Variants in AP5Z1 observed in about 807,000 individuals in gnomAD.
The protein encoded by AP5Z1 is AP-5 complex subunit zeta-1.
AP5Z1 carries 106 observed loss-of-function variants against 83.0 expected under a neutral mutation model. That is an observed-to-expected ratio of 1.28 (90% CI 1.09 to 1.50). The LOEUF (loss-of-function observed/expected upper bound fraction) is 1.50, where lower values mean the gene tolerates loss of function less well. AP5Z1 is among the 40% of genes most tolerant of loss of function. AP5Z1 has a pLI of 0.00. For synonymous variants in AP5Z1, 751 were observed against 514.1 expected (o/e 1.46, Z -6.23); for missense variants, 1,565 against 1,094.2 (o/e 1.43, Z -6.07).
At chr7:4,776,093 C>T (rs1055872647) in intron 1 of AP5Z1, among the ~76,000 whole-genome samples, 1 of 151,998 alleles carries the variant, frequency 6.6e-6, no homozygotes, top group Admixed American at 6.5e-5. Flanking sequence ...GATTTCAGTG[C>T]CTCACAGTCA....
chr7:4,788,344 C>A, intron 12 of AP5Z1, 50 bp downstream of exon 12: 1 of 1,517,258 alleles, frequency 6.6e-7, no homozygotes, highest in Non-Finnish European at 8.9e-7. Context: ...AGAGCCCGGC[C>A]ACAGCCACTG....
chr7:4,791,256 G>A lies in AP5Z1; in HGVS notation c.2295G>A (p.Gln765=). 6.2e-7 allele frequency: 1 copy of A among 1,612,788 alleles called. No homozygotes were observed. The highest frequency in any genetic ancestry group is 8.5e-7 in the Non-Finnish European group (1 of 1,179,868). ...TGCTGAAGATGCCTAGCGTGGCCCA[G>A]TTTGTGCTCACACCCAGCACGGAGG... ...LTLLKMPSVA[Q]FVLTPSTEVC... Residue 765 remains glutamine (Q), a synonymous_variant, in exon 17 of 17, where the codon CAG becomes CAA. Transcript: ENST00000649063.
At chr7:4,777,023 G>C (rs982929433) in intron 1 of AP5Z1, among the ~76,000 whole-genome samples, 12 of 152,264 alleles carry the variant, frequency 7.9e-5, no homozygotes, top group Admixed American at 2.6e-4. Flanking sequence ...TTGAAGGCAG[G>C]TTAAGTTCTA....
At chr7:4,783,184 C>A in intron 3 of AP5Z1, 132 bp from the exon 4 acceptor site, 1 of 1,373,160 alleles carries the variant, frequency 7.3e-7, no homozygotes, top group Non-Finnish European at 9.7e-7. Context: ...CGCGGGACAT[C>A]CTCCCTGCCA....
At position 4,781,711 on chromosome 7, in the gene AP5Z1, ACAGCCGG is replaced by A; in HGVS notation, c.328_334del (p.Arg110Ter). ...AGCCTGGCCTGGGACCACACGCAGA[ACAGCCGG>A]CAGCTGAGCCTGGTGGCCTCCGTTC... On this transcript the variant is annotated frameshift_variant, in exon 3 of 17. Coordinates refer to ENST00000649063, the MANE Select transcript of AP5Z1 (RefSeq NM_014855.3). LOFTEE classifies it high-confidence loss of function. The A allele has an allele frequency of 1.3e-6, 2 of 1,583,962 alleles. No homozygotes were observed. The highest frequency in any genetic ancestry group is 1.7e-6 in the Non-Finnish European group (2 of 1,156,330).
chr7:4,783,544 G>T (rs1004764407), intron 4 of AP5Z1, 84 bp downstream of exon 4: 28 of 1,566,066 alleles, frequency 1.8e-5, no homozygotes, highest in Admixed American at 5.3e-5. Context: ...TTGGGAGTGT[G>T]GGGGGCAGGT....
chr7:4,784,878 C>G, intron 6 of AP5Z1, 30 bp from the exon 7 acceptor site: 1 of 1,598,056 alleles, frequency 6.3e-7, no homozygotes, highest in Non-Finnish European at 8.5e-7. Flanking sequence ...AGCCACACGT[C>G]AGCCTGCTGA....
chr7:4,789,827 C>A lies in AP5Z1; in HGVS notation c.1708-5C>A. On this transcript the variant is annotated splice_region_variant and splice_polypyrimidine_tract_variant and intron_variant, in intron 13 of 16. Coordinates refer to ENST00000649063, the MANE Select transcript of AP5Z1 (RefSeq NM_014855.3). ...CTGAGCCTGTTTCCCACTCCTGACC[C>A]CCAGGTGGCTGACGGGTCCCTGATC... 3 of 1,551,186 alleles carry A rather than the reference C, an allele frequency of 1.9e-6. No individual in the cohort carries two copies. Among genetic ancestry groups the A allele is most frequent in the Non-Finnish European group, 2.6e-6 (3 of 1,147,276 alleles).
At chr7:4,786,961 G>T (rs1047322392) in intron 10 of AP5Z1, among the ~76,000 whole-genome samples, 11 of 151,936 alleles carry the variant, frequency 7.2e-5, no homozygotes, top group African/African-American at 2.2e-4. Context: ...TAGTAGAGAT[G>T]GGGTTTCGAC....
At chr7:4,790,106 C>A in intron 14 of AP5Z1, 177 bp downstream of exon 14, 4 of 1,371,772 alleles carry the variant, frequency 2.9e-6, no homozygotes, top group Non-Finnish European at 3.9e-6. Context: ...GCACTTCTCT[C>A]TGCTTCTCAA....
At chr7:4,786,221 G>C (rs966114566) in intron 9 of AP5Z1, 29 bp from the exon 10 acceptor site, 1 of 1,572,300 alleles carries the variant, frequency 6.4e-7, no homozygotes, top group African/African-American at 1.3e-5. Flanking sequence ...AGGTCAAGAC[G>C]TGTGCCCTGG....
In AP5Z1 at chr7:4,786,257, G is replaced by A. The variant is rs766090660; in HGVS notation, c.1140G>A (p.Ala380=). 29 of 1,604,888 alleles carry A rather than the reference G, an allele frequency of 1.8e-5. No individual in the cohort carries two copies. Among genetic ancestry groups the A allele is most frequent in the Middle Eastern group, 1.7e-4 (1 of 6,002 alleles). Residue 380 remains alanine (A), a synonymous_variant, in exon 10 of 17, where the codon GCG becomes GCA. Coordinates refer to ENST00000649063, the MANE Select transcript of AP5Z1 (RefSeq NM_014855.3). ...CGGGCCCTGGTCTTGCAGGGGAAGC[G>A]GCTGCAGTGGACTCGGAAGCCGTCT... The part of the protein sequence containing the change: ...LAHFFLSHGE[A]AAVDSEAVYQ...
intron 1 of AP5Z1, among the ~76,000 whole-genome samples, chr7:4,776,259 A>T (rs1781222603): frequency 6.6e-6 from 1 of 151,456 alleles, no homozygotes; most frequent in Non-Finnish European, 1.5e-5. Context: ...TAGGCTGAGA[A>T]ATCACCCTCC....
chr7:4,776,129 G>T (rs1265335608), intron 1 of AP5Z1, among the ~76,000 whole-genome samples: 5 of 151,824 alleles, frequency 3.3e-5, no homozygotes, highest in Non-Finnish European at 7.3e-5. Context: ...AGTGTCCGGA[G>T]GCCTGCTAAG....
At position 4,785,444 on chromosome 7, in the gene AP5Z1, C is replaced by T; in HGVS notation, c.961C>T (p.Gln321Ter). 1.2e-6 allele frequency: 2 copies of T among 1,613,494 alleles called. No individual in the cohort carries two copies. Among genetic ancestry groups the T allele is most frequent in the South Asian group, 1.1e-5 (1 of 91,034 alleles). The change falls in exon 8 of 17, where the codon CAG (glutamine) becomes TAG (stop). Residue 321 changes from glutamine (Q) to a stop codon, truncating the protein, a stop_gained. Transcript: ENST00000649063. LOFTEE classifies it high-confidence loss of function. ...RALRKGDSDL[Q>*]KACLVEAVLV... ...CCTGAGGAAGGGGGACTCCGACCTG[C>T]AGAAAGCTGTAAGTGGCTGGGGACC...
At chr7:4,785,833 G>C in intron 9 of AP5Z1, 149 bp downstream of exon 9, 1 of 1,162,558 alleles carries the variant, frequency 8.6e-7, no homozygotes, top group Middle Eastern at 3.0e-4. Context: ...TCTGGAACTC[G>C]TGGCCTCAAG....
At chr7:4,783,263 G>A in intron 3 of AP5Z1, 53 bp from the exon 4 acceptor site, 2 of 1,511,730 alleles carry the variant, frequency 1.3e-6, no homozygotes, top group Non-Finnish European at 1.8e-6. Context: ...AAATGGGGGA[G>A]CTGGTCTCTG....
In AP5Z1 at chr7:4,790,597, G is replaced by A. The variant is rs1781731392; in HGVS notation, c.1938+6G>A. 4 of 1,612,530 alleles carry A rather than the reference G, an allele frequency of 2.5e-6. No homozygotes were observed. The highest frequency in any genetic ancestry group is 4.5e-5 in the East Asian group (2 of 44,860). ...CGAGCCTCGTCACCAGCGTGGTAAG[G>A]CGGGCGCTGGCCTCCCACAGCCGCT... On this transcript the variant is annotated splice_donor_region_variant and intron_variant, in intron 15 of 16. Coordinates refer to ENST00000649063, the MANE Select transcript of AP5Z1 (RefSeq NM_014855.3).
At chr7:4,788,818 C>CA (rs1781646739) in intron 12 of AP5Z1, 22 bp from the exon 13 acceptor site, 4 of 1,575,954 alleles carry the variant, frequency 2.5e-6, no homozygotes, top group Middle Eastern at 1.8e-4. Context: ...GGGCAGCACT[C>CA]ACGGCCACAC....
Sources: gnomAD v4.1 joint callset for allele counts (sites outside exome capture counted in the v4.1 genomes callset) on GRCh38, gnomAD v4.1.1 for gene constraint, MANE v1.5 for transcripts, NCBI Gene and HGNC (gene_info 2026-07-23, HGNC 2026-07-21) for gene names.